EYS: variants seen among roughly 807,000 people sequenced by gnomAD.
The protein encoded by EYS is EGF-like photoreceptor maintenance factor.
Under a neutral mutation model 282.1 loss-of-function variants are expected in EYS, and 250 were observed. The observed-to-expected ratio is 0.89, with a 90% CI of 0.80 to 0.98. The LOEUF is 0.98. Ranked by LOEUF, EYS falls within the 50% of genes least tolerant of loss-of-function variation. The probability of loss-of-function intolerance (pLI) is 0.00; values close to 1 mark genes in which losing one functional copy is unlikely to be tolerated. For synonymous variants in EYS, 1,355 were observed against 1,282.9 expected (o/e 1.06, Z -1.20); for missense variants, 4,016 against 3,709.0 (o/e 1.08, Z -2.15).
chr6:65,113,908 G>GTGAT (rs1323328532), intron 12 of EYS, among the ~76,000 whole-genome samples: 1 of 152,000 alleles, frequency 6.6e-6, no homozygotes. Flanking sequence ...CTTTGTAGGT[G>GTGAT]TGATTACAGA....
At chr6:63,826,845 C>CAAAAAAAAAAAAAAAAAAAAGAAAAAAAA (rs59957107) in intron 36 of EYS, among the ~76,000 whole-genome samples, 4 of 76,760 alleles carry the variant, frequency 5.2e-5, no homozygotes, top group Non-Finnish European at 7.5e-5. Context: ...AGTTAAAAAG[C>CAAAAAAAAAAAAAAAAAAAAGAAAAAAAA]AAAAAAAAAA....
chr6:65,290,345 A>T (rs77033470), intron 12 of EYS, among the ~76,000 whole-genome samples: 1,557 of 151,222 alleles, frequency 0.01, 29 homozygotes, highest in African/African-American at 0.036. Flanking sequence ...AGAAAAGTCT[A>T]ACTATTATAA....
chr6:65,316,759 T>C (rs1254493465), intron 11 of EYS, among the ~76,000 whole-genome samples: 3 of 152,142 alleles, frequency 2.0e-5, no homozygotes, highest in African/African-American at 7.2e-5. Context: ...ATTAGTTTGC[T>C]AAGAATGATG....
intron 35 of EYS, among the ~76,000 whole-genome samples, chr6:63,975,208 C>A (rs1766776768): frequency 6.6e-6 from 1 of 151,846 alleles, no homozygotes; most frequent in Non-Finnish European, 1.5e-5. Context: ...ATTTGTTCTG[C>A]ATGCCTTAAT....
intron 18 of EYS, among the ~76,000 whole-genome samples, 185 bp from the exon 19 acceptor site, chr6:64,887,027 G>A (rs1014768582): frequency 1.3e-5 from 2 of 151,616 alleles, no homozygotes; most frequent in South Asian, 4.2e-4. Context: ...CTGCTCAAAT[G>A]TTCTTTATGT....
chr6:64,697,254 T>G (rs1770611926), intron 22 of EYS, among the ~76,000 whole-genome samples: 1 of 152,030 alleles, frequency 6.6e-6, no homozygotes, highest in South Asian at 2.1e-4. Flanking sequence ...AAGCTATACT[T>G]ATATCAGATA....
At chr6:65,133,341 AAGTT>A (rs1235291512) in intron 12 of EYS, among the ~76,000 whole-genome samples, 5 of 151,992 alleles carry the variant, frequency 3.3e-5, no homozygotes, top group African/African-American at 4.8e-5. Context: ...CAAAAAAACA[AAGTT>A]AGAGGTATCA....
At chr6:65,289,330 T>C (rs922147573) in intron 12 of EYS, among the ~76,000 whole-genome samples, 1 of 151,032 alleles carries the variant, frequency 6.6e-6, no homozygotes, top group Non-Finnish European at 1.5e-5. Flanking sequence ...TGTGTGTATG[T>C]ATATACATTT....
At chr6:64,418,470 C>T (rs575725510) in intron 28 of EYS, among the ~76,000 whole-genome samples, 12 of 152,150 alleles carry the variant, frequency 7.9e-5, no homozygotes, top group African/African-American at 2.9e-4. Context: ...TCTGTGTGTT[C>T]GAATGAGAAA....
chr6:65,365,139 G>C (rs962006902), intron 8 of EYS, among the ~76,000 whole-genome samples: 1 of 151,706 alleles, frequency 6.6e-6, no homozygotes, highest in Admixed American at 6.7e-5. Flanking sequence ...AACAAAGAAT[G>C]AATAAATTCC....
chr6:64,406,326 G>T (rs1193400425), intron 28 of EYS, among the ~76,000 whole-genome samples: 1 of 152,128 alleles, frequency 6.6e-6, no homozygotes, highest in African/African-American at 2.4e-5. Context: ...ATGGATTAAA[G>T]ACTTAAATGT....
chr6:65,557,014 G>T (rs1768837563), intron 2 of EYS, among the ~76,000 whole-genome samples: 1 of 152,130 alleles, frequency 6.6e-6, no homozygotes. Context: ...GAACTGTTTT[G>T]AAATCAATAT....
chr6:65,317,290 T>G (rs1045963119), intron 11 of EYS, among the ~76,000 whole-genome samples: 8 of 152,238 alleles, frequency 5.3e-5, no homozygotes, highest in African/African-American at 1.9e-4. Flanking sequence ...TTTGCTCAGT[T>G]TATTTTCTGG....
chr6:63,830,626 A>C (rs1465504363), intron 36 of EYS, among the ~76,000 whole-genome samples: 2 of 152,236 alleles, frequency 1.3e-5, no homozygotes, highest in Admixed American at 1.3e-4. Context: ...AATGGAACCA[A>C]GTTGGAAAAC....
chr6:64,186,110 T>C (rs1404098021), intron 31 of EYS, among the ~76,000 whole-genome samples: 5 of 152,044 alleles, frequency 3.3e-5, no homozygotes, highest in Non-Finnish European at 5.9e-5. Context: ...ACAAGGCCCT[T>C]GTACAGGGCA....
chr6:64,680,370 A>C (rs1769857755), intron 22 of EYS, among the ~76,000 whole-genome samples: 1 of 152,182 alleles, frequency 6.6e-6, no homozygotes, highest in Admixed American at 6.5e-5. Context: ...ACAAATAAGG[A>C]AACTTTTGTT....
At chr6:64,708,382 G>C (rs1311759252) in intron 22 of EYS, among the ~76,000 whole-genome samples, 1 of 152,084 alleles carries the variant, frequency 6.6e-6, no homozygotes, top group Admixed American at 6.6e-5. Flanking sequence ...AAATAATTCA[G>C]ACCCAAATCT....
At chr6:64,728,910 A>T (rs1344057627) in intron 22 of EYS, 2 of 152,246 alleles carry the variant, frequency 1.3e-5, no homozygotes, top group East Asian at 3.9e-4. Flanking sequence ...TGGAAAGCAG[A>T]TGGAGTGGGA....
At chr6:64,994,620 A>G (rs970714185) in intron 14 of EYS, among the ~76,000 whole-genome samples, 1 of 152,112 alleles carries the variant, frequency 6.6e-6, no homozygotes, top group African/African-American at 2.4e-5. Context: ...TTTCTCTTCC[A>G]CTTCAAATCC....
Sources: gnomAD v4.1 joint callset for allele counts (sites outside exome capture counted in the v4.1 genomes callset) on GRCh38, gnomAD v4.1.1 for gene constraint, MANE v1.5 for transcripts, NCBI Gene and HGNC (gene_info 2026-07-23, HGNC 2026-07-21) for gene names.